Variants in CDK5RAP2 observed in about 807,000 individuals in gnomAD.
CDK5RAP2 encodes CDK5 regulatory subunit-associated protein 2.
In CDK5RAP2, 147 loss-of-function variants were observed where a neutral mutation model predicts 232.9. The ratio of observed to expected loss-of-function variants is 0.63; its 90% CI spans 0.55 to 0.72. CDK5RAP2 has a LOEUF of 0.72. Ranked by LOEUF, CDK5RAP2 falls within the 30% of genes least tolerant of loss-of-function variation. The probability of loss-of-function intolerance (pLI) is 0.00; values close to 1 mark genes in which losing one functional copy is unlikely to be tolerated. For missense variants in CDK5RAP2, 2,195 were observed against 2,231.5 expected, an observed-to-expected ratio of 0.98 and a Z score of 0.33; for synonymous variants, 833 against 833.7, an observed-to-expected ratio of 1.00 and a Z score of 0.01.
intron 28 of CDK5RAP2, 132 bp downstream of exon 28, chr9:120,414,908 G>T: frequency 9.5e-7 from 1 of 1,055,432 alleles, no homozygotes; most frequent in Non-Finnish European, 1.4e-6. Context: ...CCAGAGGCTG[G>T]CAGACTTCTC....
Position 120,543,142 on chromosome 9 carries a change from CT to C in CDK5RAP2, c.383+2571del, listed in dbSNP as rs1228387922. On this transcript the variant is annotated intron_variant, in intron 5 of 37. Transcript: ENST00000349780. ...AACAGGAATCATCCATGACATCCCC[CT>C]TCCCATCCATCACCAAAGCCTGTTG... Among the ~76,000 whole-genome samples the C allele has an allele frequency of 2.0e-5, 3 of 152,320 alleles. No individual in the cohort carries two copies. The East Asian group carries it at 5.8e-4, about 29-fold the overall frequency.
At chr9:120,548,840 T>C (rs1278794827) in intron 4 of CDK5RAP2, among the ~76,000 whole-genome samples, 2 of 152,134 alleles carry the variant, frequency 1.3e-5, no homozygotes, top group Admixed American at 1.3e-4. Context: ...AAATTCATTC[T>C]TAAACTACTA....
At chr9:120,426,482 A>T (rs2034910384) in intron 25 of CDK5RAP2, among the ~76,000 whole-genome samples, 1 of 152,210 alleles carries the variant, frequency 6.6e-6, no homozygotes, top group African/African-American at 2.4e-5. Flanking sequence ...TGGTTGAAAG[A>T]GTTATTATCT....
chr9:120,486,187 G>C (rs952023631), intron 14 of CDK5RAP2, among the ~76,000 whole-genome samples: 1 of 152,060 alleles, frequency 6.6e-6, no homozygotes, highest in African/African-American at 2.4e-5. Flanking sequence ...CTACAGGGTT[G>C]GTGCCTGGCA....
intron 22 of CDK5RAP2, among the ~76,000 whole-genome samples, chr9:120,444,801 C>T (rs1050551276): frequency 2.0e-5 from 3 of 152,176 alleles, no homozygotes; most frequent in Non-Finnish European, 4.4e-5. Flanking sequence ...AAGTTAGTCA[C>T]AGTGTGACTG....
intron 1 of CDK5RAP2, among the ~76,000 whole-genome samples, chr9:120,576,418 G>C (rs893097435): frequency 6.6e-6 from 1 of 152,110 alleles, no homozygotes; most frequent in Non-Finnish European, 1.5e-5. Flanking sequence ...ATACCACAAT[G>C]AGGGCCAGGC....
At chr9:120,511,290 T>C (rs531573654) in intron 12 of CDK5RAP2, among the ~76,000 whole-genome samples, 45 of 152,336 alleles carry the variant, frequency 3.0e-4, no homozygotes, top group African/African-American at 9.9e-4. Context: ...CCAGGACTGC[T>C]TGATCTGGAT....
intron 27 of CDK5RAP2, among the ~76,000 whole-genome samples, chr9:120,418,972 G>T (rs887873751): frequency 6.6e-6 from 1 of 152,238 alleles, no homozygotes; most frequent in Non-Finnish European, 1.5e-5. Context: ...GAATGCTTGT[G>T]TCTCCAAAAT....
chr9:120,527,915 T>C lies in CDK5RAP2; in HGVS notation c.890A>G (p.Glu297Gly), dbSNP rs1423931685. 1 of 1,613,756 alleles carries C rather than the reference T, an allele frequency of 6.2e-7. No homozygotes were observed. The highest frequency in any genetic ancestry group is 8.5e-7 in the Non-Finnish European group (1 of 1,180,006). ...TTCTCTTTCCTTCTCTCTCAGGTCC[T>C]CTTCAAGTGCCTAAATTAGATTAGA... Reference protein sequence around the residue: ...SFEERIQALEEDLREKEREIA... With the variant: ...SFEERIQALEGDLREKEREIA... Residue 297 changes from glutamate to glycine, a missense_variant, in exon 10 of 38, where the codon GAG becomes GGG. Transcript: ENST00000349780.
Position 120,409,204 on chromosome 9 carries a change from C to G in CDK5RAP2, c.4527G>C (p.Gln1509His). Reference sequence around the variant, plus strand: ...GTCTCTCCTTCTCGCTGCCTTCTTTCTGCAGCCTTTCATTTTCTTCCTTCA... The same window carrying G: ...GTCTCTCCTTCTCGCTGCCTTCTTTGTGCAGCCTTTCATTTTCTTCCTTCA... ...ASVKEENERL[Q>H]KEGSEKERHN... Residue 1509 changes from glutamine to histidine, a missense_variant, in exon 30 of 38, where the codon CAG (glutamine) becomes CAC (histidine). Physicochemically the swap from Gln to His is conservative, Grantham distance 24. Transcript: ENST00000349780. 2.5e-6 allele frequency: 4 copies of G among 1,614,104 alleles called. No individual in the cohort carries two copies. The highest frequency in any genetic ancestry group is 3.4e-6 in the Non-Finnish European group (4 of 1,180,028).
chr9:120,490,977 A>G (rs1256791742), intron 13 of CDK5RAP2, among the ~76,000 whole-genome samples: 2 of 152,226 alleles, frequency 1.3e-5, no homozygotes, highest in Admixed American at 6.5e-5. Context: ...ATGAAAGAGC[A>G]TGGTATAAAT....
intron 15 of CDK5RAP2, 109 bp downstream of exon 15, chr9:120,477,241 G>T: frequency 1.1e-6 from 1 of 877,698 alleles, no homozygotes; most frequent in Non-Finnish European, 1.9e-6. Context: ...AACTGGCAGG[G>T]CTTTGCTGCC....
At chr9:120,421,129 G>A (rs2034543102) in intron 26 of CDK5RAP2, among the ~76,000 whole-genome samples, 1 of 152,052 alleles carries the variant, frequency 6.6e-6, no homozygotes, top group African/African-American at 2.4e-5. Flanking sequence ...CACATTTGAG[G>A]ACCAGCCCAA....
chr9:120,554,794 C>A (rs994562652), intron 3 of CDK5RAP2, among the ~76,000 whole-genome samples: 1 of 151,882 alleles, frequency 6.6e-6, no homozygotes. Context: ...CCACCATGCC[C>A]GGCTAATTTT....
chr9:120,389,274 G>A lies in CDK5RAP2; in HGVS notation c.5644C>T (p.His1882Tyr), dbSNP rs1407731547. 2.5e-6 allele frequency: 4 copies of A among 1,612,754 alleles called. No individual in the cohort carries two copies. Among genetic ancestry groups the A allele is most frequent in the Non-Finnish European group, 3.4e-6 (4 of 1,179,354 alleles). The change falls in exon 38 of 38, where the codon CAT becomes TAT. Residue 1882 changes from histidine to tyrosine, a missense_variant. Coordinates refer to ENST00000349780, the MANE Select transcript of CDK5RAP2 (RefSeq NM_018249.6). The part of the protein sequence containing the change: ...GNLELRPGGA[H>Y]PGTCSPSRPG... ...CTGCTGGGACTGCATGTTCCTGGAT[G>A]GGCTCCCCCAGGCCTAAGCTAGGAA...
chr9:120,433,330 C>A (rs2035389164), intron 25 of CDK5RAP2, among the ~76,000 whole-genome samples: 1 of 152,108 alleles, frequency 6.6e-6, no homozygotes, highest in African/African-American at 2.4e-5. Context: ...GGATTAAGCC[C>A]CAACTCACAG....
chr9:120,445,226 G>T (rs2036117692), intron 22 of CDK5RAP2, among the ~76,000 whole-genome samples: 2 of 152,194 alleles, frequency 1.3e-5, no homozygotes, highest in Non-Finnish European at 2.9e-5. Context: ...TGGGCCCAAA[G>T]TGTGTAAGTG....
intron 12 of CDK5RAP2, among the ~76,000 whole-genome samples, chr9:120,506,345 A>T (rs183711842): frequency 6.6e-6 from 1 of 152,362 alleles, no homozygotes; most frequent in Admixed American, 6.5e-5. Context: ...ATTACTGCTC[A>T]TTGACAATGC....
intron 26 of CDK5RAP2, among the ~76,000 whole-genome samples, chr9:120,422,304 T>C (rs905453620): frequency 1.3e-5 from 2 of 151,862 alleles, no homozygotes; most frequent in Non-Finnish European, 2.9e-5. Context: ...GACTAAAACA[T>C]GGGGTACATC....
Sources: allele counts gnomAD v4.1 joint callset (sites outside exome capture counted in the v4.1 genomes callset), GRCh38; gene constraint gnomAD v4.1.1; transcripts MANE v1.5; gene names NCBI Gene and HGNC (gene_info 2026-07-23, HGNC 2026-07-21).